COL4A4: variants seen among roughly 807,000 people sequenced by gnomAD.
The protein encoded by COL4A4 is collagen type IV alpha 4 chain.
In COL4A4, 105 loss-of-function variants were observed where a neutral mutation model predicts 192.9. The observed-to-expected ratio is 0.54, with a 90% CI of 0.46 to 0.64. The LOEUF (loss-of-function observed/expected upper bound fraction) is 0.64. COL4A4 is among the 30% of genes least tolerant of loss of function. The pLI, the probability that COL4A4 is intolerant of heterozygous loss-of-function variation, is 0.00. For missense variants in COL4A4, 1,967 were observed against 2,169.3 expected (o/e 0.91, Z 1.85); for synonymous variants, 762 against 769.9 (o/e 0.99, Z 0.17).
chr2:227,008,674 T>A (rs1233846310), intron 46 of COL4A4, among the ~76,000 whole-genome samples: 1 of 152,170 alleles, frequency 6.6e-6, no homozygotes, highest in African/African-American at 2.4e-5. Flanking sequence ...GAAGGATAAC[T>A]GGAATATGTG....
At chr2:227,074,311 A>G (rs143343607) in intron 25 of COL4A4, among the ~76,000 whole-genome samples, 2 of 152,292 alleles carry the variant, frequency 1.3e-5, no homozygotes, top group African/African-American at 4.8e-5. Context: ...ACTCAACATC[A>G]CTAATCATTA....
rs576306631 is a variant in COL4A4 at position 227,118,798 on chromosome 2, G to T, written c.373-37C>A. 1.2e-4 allele frequency: 161 copies of T among 1,333,452 alleles called. 3 individuals are homozygous for T. The South Asian group carries it at 1.8e-3, about 15-fold the overall frequency. The allele number at this position is 1,333,452 out of a possible 1,614,324, so 82.6% of individuals were successfully genotyped here. ...AAAATTATAAGTGAAGCATTTTTGC[G>T]AAAATATCATTACATAAAGGTTATG... is the stretch of plus-strand genomic sequence containing the variant. On this transcript the variant is annotated intron_variant, in intron 6 of 47. Transcript: ENST00000396625.
intron 37 of COL4A4, among the ~76,000 whole-genome samples, chr2:227,038,844 A>C (rs1157598643): frequency 6.6e-6 from 1 of 152,216 alleles, no homozygotes; most frequent in Non-Finnish European, 1.5e-5. Context: ...GTTCATTTTT[A>C]TATCAGCATG....
chr2:227,088,380 G>T (rs757775208), intron 22 of COL4A4, among the ~76,000 whole-genome samples: 1 of 152,092 alleles, frequency 6.6e-6, no homozygotes, highest in Non-Finnish European at 1.5e-5. Context: ...TCTCACAATA[G>T]TGAGTGAGTT....
chr2:227,102,341 C>T (rs2060568729), intron 15 of COL4A4, among the ~76,000 whole-genome samples: 1 of 152,236 alleles, frequency 6.6e-6, no homozygotes, highest in African/African-American at 2.4e-5. Flanking sequence ...ACCAAATAAA[C>T]TCAATGCCCA....
At chr2:227,113,396 A>C (rs140410081) in intron 8 of COL4A4, among the ~76,000 whole-genome samples, 219 of 152,312 alleles carry the variant, frequency 1.4e-3, no homozygotes, top group African/African-American at 5.1e-3. Context: ...TTTGTATGTC[A>C]CATGTCCTCT....
intron 25 of COL4A4, among the ~76,000 whole-genome samples, chr2:227,064,506 T>C (rs1215517036): frequency 1.3e-5 from 2 of 152,206 alleles, no homozygotes; most frequent in East Asian, 3.8e-4. Flanking sequence ...GCTACAGATC[T>C]AGATATCCAA....
chr2:227,032,090 G>GC, intron 39 of COL4A4, 35 bp from the exon 40 acceptor site: 1 of 1,613,872 alleles, frequency 6.2e-7, no homozygotes, highest in Non-Finnish European at 8.5e-7. Context: ...TATCCTCATT[G>GC]CATTTGGAAG....
At chr2:227,015,106 G>A (rs1964599485) in intron 44 of COL4A4, among the ~76,000 whole-genome samples, 1 of 151,914 alleles carries the variant, frequency 6.6e-6, no homozygotes, top group African/African-American at 2.4e-5. Flanking sequence ...TCACCATGTT[G>A]GCCAGGCTGG....
At chr2:227,105,603 TGAAGAAAA>T (rs2060794849) in intron 12 of COL4A4, among the ~76,000 whole-genome samples, 1 of 152,236 alleles carries the variant, frequency 6.6e-6, no homozygotes, top group Admixed American at 6.5e-5. Context: ...GTTTTTCTAC[TGAAGAAAA>T]GAATGTTTCT....
At chr2:226,971,993 G>A in the COL4A4 span, among the ~76,000 whole-genome samples, 2 of 151,704 alleles carry the variant, frequency 1.3e-5, no homozygotes, top group South Asian at 2.1e-4. Flanking sequence ...CATGTGCCAC[G>A]GTGGTTTGCT....
intron 4 of COL4A4, among the ~76,000 whole-genome samples, chr2:227,125,201 T>A (rs952338513): frequency 1.3e-5 from 2 of 152,074 alleles, no homozygotes; most frequent in African/African-American, 2.4e-5. Flanking sequence ...ATAAAATACT[T>A]TATTTTTTTT....
intron 23 of COL4A4, 140 bp downstream of exon 23, chr2:227,081,975 C>T (rs1384492322): frequency 1.3e-6 from 1 of 785,444 alleles, no homozygotes; most frequent in South Asian, 1.4e-5. Context: ...TTATGAAGGG[C>T]AGGAAGTATT....
At chr2:227,058,750 C>T (rs1559518524) in intron 28 of COL4A4, among the ~76,000 whole-genome samples, 1 of 152,112 alleles carries the variant, frequency 6.6e-6, no homozygotes, top group Non-Finnish European at 1.5e-5. Flanking sequence ...AGACTGGGGT[C>T]CTGAAGACAA....
intron 42 of COL4A4, 51 bp from the exon 43 acceptor site, chr2:227,025,861 G>A (rs1966844826): frequency 6.3e-7 from 1 of 1,577,470 alleles, no homozygotes; most frequent in Non-Finnish European, 8.7e-7. Context: ...TTTTCACAGG[G>A]TGGAAAGAGA....
At chr2:226,978,719 T>A in the COL4A4 span, among the ~76,000 whole-genome samples, 3 of 152,166 alleles carry the variant, frequency 2.0e-5, no homozygotes, top group East Asian at 5.8e-4. Flanking sequence ...AACCATGGCA[T>A]CATGTGCTGT....
rs1455488843 is a variant in COL4A4 at position 227,163,574 on chromosome 2, G to A, written c.-102+433C>T. Among the ~76,000 whole-genome samples the A allele has an allele frequency of 3.3e-5, 5 of 152,366 alleles. 1 individual carries two copies. The highest frequency in any genetic ancestry group is 7.3e-5 in the Non-Finnish European group (5 of 68,042). ...CGTAGCACAGGAAACGGCGAGAGCC[G>A]GCTGGAGGACCGTGCCCTGGCACAT... On this transcript the variant is annotated intron_variant, in intron 1 of 47. Coordinates refer to ENST00000396625, the MANE Select transcript of COL4A4 (RefSeq NM_000092.5).
chr2:227,090,470 C>T lies in COL4A4; in HGVS notation c.1370-513G>A, dbSNP rs528628378. ...TATTATAAAAAAAGCATAAACTGGCCTGGTGCGATGGCTCACACCTGTAAT... is the reference window on the plus strand; with the variant it reads ...TATTATAAAAAAAGCATAAACTGGCTTGGTGCGATGGCTCACACCTGTAAT... On this transcript the variant is annotated intron_variant, in intron 20 of 47. Coordinates refer to ENST00000396625, the MANE Select transcript of COL4A4 (RefSeq NM_000092.5). Among the ~76,000 whole-genome samples, 24 of 152,270 alleles carry T rather than the reference C, an allele frequency of 1.6e-4. No homozygotes were observed. In the South Asian group the frequency reaches 4.8e-3, roughly 30 times the overall value.
the COL4A4 span, among the ~76,000 whole-genome samples, chr2:226,975,215 T>C: frequency 3.3e-5 from 5 of 152,136 alleles, no homozygotes; most frequent in African/African-American, 4.8e-5. Flanking sequence ...AACAGGACCA[T>C]GTAGAAAAGG....
Sources: gnomAD v4.1 joint callset for allele counts (sites outside exome capture counted in the v4.1 genomes callset) on GRCh38, gnomAD v4.1.1 for gene constraint, MANE v1.5 for transcripts, NCBI Gene and HGNC (gene_info 2026-07-23, HGNC 2026-07-21) for gene names.